Variants in TAOK1 observed in about 807,000 individuals in gnomAD.
TAOK1 encodes the protein serine/threonine-protein kinase TAO1.
Under a neutral mutation model 138.3 loss-of-function variants are expected in TAOK1, and 21 were observed. The observed-to-expected ratio is 0.15, with a 90% confidence interval of 0.11 to 0.22. TAOK1 has a LOEUF of 0.22. TAOK1 is among the 10% of genes least tolerant of loss of function. The probability of loss-of-function intolerance (pLI) is 1.00; values close to 1 mark genes in which losing one functional copy is unlikely to be tolerated. For synonymous variants in TAOK1, 361 were observed against 398.4 expected, an observed-to-expected ratio of 0.91 and a Z score of 1.12; for missense variants, 651 against 1,227.7, an observed-to-expected ratio of 0.53 and a Z score of 7.02.
chr17:29,494,484 T>A (rs536590637), intron 10 of TAOK1, among the ~76,000 whole-genome samples: 2 of 151,808 alleles, frequency 1.3e-5, no homozygotes, highest in Non-Finnish European at 2.9e-5. Flanking sequence ...ACTCTTTGCA[T>A]AAAAAAGAAA....
At chr17:29,508,639 C>G (rs1191581201) in intron 14 of TAOK1, among the ~76,000 whole-genome samples, 1 of 152,000 alleles carries the variant, frequency 6.6e-6, no homozygotes, top group Non-Finnish European at 1.5e-5. Flanking sequence ...CACTTTTATT[C>G]TCTTTTTTGT....
intron 1 of TAOK1, among the ~76,000 whole-genome samples, chr17:29,427,915 G>A (rs551936077): frequency 2.8e-4 from 35 of 122,840 alleles, no homozygotes; most frequent in Admixed American, 1.9e-3. Context: ...AACAGCGTGA[G>A]ACTCTGTCTC....
chr17:29,470,804 A>G (rs2030795960), intron 3 of TAOK1, among the ~76,000 whole-genome samples: 1 of 152,140 alleles, frequency 6.6e-6, no homozygotes, highest in African/African-American at 2.4e-5. Flanking sequence ...AGTCACATGA[A>G]TTTTTTGGTG....
At chr17:29,450,146 G>A (rs567214379) in intron 1 of TAOK1, among the ~76,000 whole-genome samples, 17 of 151,834 alleles carry the variant, frequency 1.1e-4, no homozygotes, top group Non-Finnish European at 2.2e-4. Flanking sequence ...GAATGCCATG[G>A]GGTGATCATC....
At chr17:29,466,874 C>T (rs113648576) in intron 2 of TAOK1, among the ~76,000 whole-genome samples, 3 of 152,180 alleles carry the variant, frequency 2.0e-5, no homozygotes, top group African/African-American at 7.2e-5. Flanking sequence ...GTTTATAGTA[C>T]TACTCAAATT....
Position 29,546,489 on chromosome 17 carries a change from C to G in TAOK1, c.*3467C>G, listed in dbSNP as rs1340469000. On this transcript the variant is annotated 3_prime_UTR_variant, in exon 20 of 20. Transcript: ENST00000261716. ...AGTACTAAATGTCTGGCATTTTAAA[C>G]TTTTGTAGAATACATTATGTTGGAC... 6.6e-6 allele frequency: 1 copy of G among 152,012 alleles called. No individual in the cohort carries two copies. The highest frequency in any genetic ancestry group is 2.4e-5 in the African/African-American group (1 of 41,400). The allele number at this position is 152,012 out of a possible 1,614,324, so 9.4% of individuals were successfully genotyped here.
chr17:29,467,497 C>A (rs1049946860), intron 3 of TAOK1, among the ~76,000 whole-genome samples: 1 of 152,298 alleles, frequency 6.6e-6, no homozygotes, highest in Admixed American at 6.5e-5. Flanking sequence ...TGGTCTTGAT[C>A]TCCTGACCTC....
At chr17:29,411,284 G>A (rs886540738) in intron 1 of TAOK1, among the ~76,000 whole-genome samples, 16 of 150,252 alleles carry the variant, frequency 1.1e-4, no homozygotes, top group Admixed American at 8.0e-4. Context: ...GTAGAGACGG[G>A]GTTTCACCGT....
intron 1 of TAOK1, among the ~76,000 whole-genome samples, chr17:29,394,367 G>A (rs530207542): frequency 6.6e-6 from 1 of 151,812 alleles, no homozygotes; most frequent in East Asian, 1.9e-4. Context: ...GGGTTTCACT[G>A]TGTTAGCCAG....
intron 1 of TAOK1, among the ~76,000 whole-genome samples, chr17:29,438,991 T>C (rs1285022209): frequency 6.6e-6 from 1 of 152,164 alleles, no homozygotes; most frequent in African/African-American, 2.4e-5. Context: ...CTATAACATA[T>C]ATTGCTATGT....
At chr17:29,441,897 CAAA>C (rs542059555) in intron 1 of TAOK1, among the ~76,000 whole-genome samples, 1 of 140,030 alleles carries the variant, frequency 7.1e-6, no homozygotes, top group African/African-American at 2.6e-5. Flanking sequence ...GACTCCGTCT[CAAA>C]AAAAAAAAAA....
chr17:29,409,899 C>T (rs1268548010), intron 1 of TAOK1, among the ~76,000 whole-genome samples: 1 of 152,002 alleles, frequency 6.6e-6, no homozygotes, highest in African/African-American at 2.4e-5. Context: ...TATATTTGCT[C>T]AGTGAGGTTT....
At chr17:29,444,337 A>G (rs2030024714) in intron 1 of TAOK1, among the ~76,000 whole-genome samples, 1 of 152,204 alleles carries the variant, frequency 6.6e-6, no homozygotes, top group Non-Finnish European at 1.5e-5. Context: ...TGTTGTAACA[A>G]TATTCTGAAT....
At chr17:29,493,281 G>A (rs186422629) in intron 10 of TAOK1, among the ~76,000 whole-genome samples, 264 of 152,240 alleles carry the variant, frequency 1.7e-3, no homozygotes, top group African/African-American at 5.7e-3. Context: ...GATCACCTGA[G>A]GTTGGGAGTT....
At chr17:29,472,711 A>C (rs2030851953) in intron 3 of TAOK1, among the ~76,000 whole-genome samples, 1 of 151,254 alleles carries the variant, frequency 6.6e-6, no homozygotes, top group Non-Finnish European at 1.5e-5. Context: ...AGTAGCTGGG[A>C]TTACAGTCAT....
rs1598536306 is a variant in TAOK1 at position 29,548,227 on chromosome 17, T to C, written c.*5205T>C. The C allele has an allele frequency of 6.6e-6, 1 of 152,108 alleles. No individual in the cohort carries two copies. 9.4% of individuals were successfully genotyped at this position (152,108 alleles called of 1,614,324 possible). A position where few individuals can be genotyped will look rare whatever the true frequency, so the allele number is the denominator to read the frequency against. On this transcript the variant is annotated 3_prime_UTR_variant, in exon 20 of 20. Coordinates refer to ENST00000261716, the MANE Select transcript of TAOK1 (RefSeq NM_020791.4). ...TTTAGATCATAAGAAATATATAAAT[T>C]AGTATGCACCTTATCTGCCTGTTGT...
At position 29,517,438 on chromosome 17, in the gene TAOK1, T is replaced by C; in HGVS notation, c.1705-15T>C. 6.2e-7 allele frequency: 1 copy of C among 1,611,742 alleles called. No homozygotes were observed. The highest frequency in any genetic ancestry group is 8.5e-7 in the Non-Finnish European group (1 of 1,179,532). On this transcript the variant is annotated splice_polypyrimidine_tract_variant and intron_variant, in intron 15 of 19. Coordinates refer to ENST00000261716, the MANE Select transcript of TAOK1 (RefSeq NM_020791.4). The stretch of plus-strand genomic sequence containing the variant: ...CCAGGCCTATTTTTACCTGAGTTGT[T>C]TTTTATGTTGCCAGGAGCTAAATGA...
intron 17 of TAOK1, among the ~76,000 whole-genome samples, chr17:29,529,798 C>T (rs937443646): frequency 5.3e-5 from 8 of 150,696 alleles, no homozygotes; most frequent in African/African-American, 1.7e-4. Context: ...CTCAGGGAGG[C>T]GGCGGTTGCA....
intron 1 of TAOK1, among the ~76,000 whole-genome samples, chr17:29,402,387 C>G (rs1219973542): frequency 6.6e-6 from 1 of 152,120 alleles, no homozygotes; most frequent in African/African-American, 2.4e-5. Flanking sequence ...CACTGTGCCT[C>G]TACTTCCCGG....
Sources: allele counts gnomAD v4.1 joint callset (sites outside exome capture counted in the v4.1 genomes callset), GRCh38; gene constraint gnomAD v4.1.1; transcripts MANE v1.5; gene names NCBI Gene and HGNC (gene_info 2026-07-23, HGNC 2026-07-21).